The following CDKAL1 variants were observed in gnomAD, a reference collection of about 807,000 sequenced individuals.
The protein encoded by CDKAL1 is CDKAL1 threonylcarbamoyladenosine tRNA methylthiotransferase.
Under a neutral mutation model 68.2 loss-of-function variants are expected in CDKAL1, and 32 were observed. The observed-to-expected ratio is 0.47, with a 90% CI of 0.35 to 0.63. The LOEUF (loss-of-function observed/expected upper bound fraction) is 0.63. CDKAL1 is among the 30% of genes least tolerant of loss of function. CDKAL1 has a pLI of 0.00. For missense variants in CDKAL1, 606 were observed against 696.7 expected, an observed-to-expected ratio of 0.87 and a Z score of 1.47; for synonymous variants, 234 against 244.3, an observed-to-expected ratio of 0.96 and a Z score of 0.39.
intron 9 of CDKAL1, among the ~76,000 whole-genome samples, chr6:20,944,498 C>T (rs1261047660): frequency 6.6e-6 from 1 of 152,174 alleles, no homozygotes; most frequent in East Asian, 1.9e-4. Flanking sequence ...AGGGGTGCAC[C>T]ACCATGCTGT....
At chr6:20,751,785 C>A (rs4712539) in intron 6 of CDKAL1, among the ~76,000 whole-genome samples, 61,177 of 152,006 alleles carry the variant, frequency 0.4, 12,547 homozygotes, top group Non-Finnish European at 0.43. Flanking sequence ...AACATACTGC[C>A]TGTCTTTTTT....
At chr6:20,904,653 G>T (rs1762152824) in intron 9 of CDKAL1, among the ~76,000 whole-genome samples, 1 of 152,146 alleles carries the variant, frequency 6.6e-6, no homozygotes, top group Non-Finnish European at 1.5e-5. Context: ...GACAGGTGTG[G>T]TGGCACATGC....
chr6:20,810,600 A>T (rs1054093517), intron 8 of CDKAL1, among the ~76,000 whole-genome samples: 8 of 148,292 alleles, frequency 5.4e-5, no homozygotes, highest in African/African-American at 1.0e-4. Context: ...CTCTCTTTTT[A>T]AAAAAAAGAT....
intron 13 of CDKAL1, among the ~76,000 whole-genome samples, chr6:21,150,413 C>T (rs1562073131): frequency 6.6e-6 from 1 of 152,148 alleles, no homozygotes; most frequent in Non-Finnish European, 1.5e-5. Flanking sequence ...TCCTTTAGTG[C>T]AGGGCCGTGT....
intron 4 of CDKAL1, among the ~76,000 whole-genome samples, chr6:20,609,817 A>C (rs1291565800): frequency 6.6e-6 from 1 of 152,006 alleles, no homozygotes; most frequent in Non-Finnish European, 1.5e-5. Context: ...GTACAAGTGC[A>C]GGTTTGTTAC....
chr6:20,689,688 G>A (rs1770785114), intron 5 of CDKAL1, among the ~76,000 whole-genome samples: 1 of 151,970 alleles, frequency 6.6e-6, no homozygotes, highest in South Asian at 2.1e-4. Flanking sequence ...ATTACTGGTT[G>A]TTACTTGTTA....
intron 10 of CDKAL1, among the ~76,000 whole-genome samples, chr6:20,991,503 T>C (rs1581979718): frequency 6.6e-6 from 1 of 151,266 alleles, no homozygotes; most frequent in East Asian, 2.0e-4. Flanking sequence ...AGGTCACGAG[T>C]TTGAGACCAG....
intron 5 of CDKAL1, among the ~76,000 whole-genome samples, chr6:20,721,692 C>T (rs1453531508): frequency 6.8e-6 from 1 of 147,454 alleles, no homozygotes; most frequent in African/African-American, 2.5e-5. Flanking sequence ...AGTGCGTAAG[C>T]ATTCCTTCTT....
intron 4 of CDKAL1, among the ~76,000 whole-genome samples, chr6:20,577,605 CTGAA>C (rs1217234586): frequency 6.6e-6 from 1 of 152,198 alleles, no homozygotes; most frequent in Non-Finnish European, 1.5e-5. Flanking sequence ...GTGTGAATGA[CTGAA>C]TGAATGAATA....
rs144693781 is a variant in CDKAL1, at chr6:20,681,742, G to T, written c.371+32365G>T. Among the ~76,000 whole-genome samples, 745 of 152,274 alleles carry T rather than the reference G, an allele frequency of 4.9e-3. 5 individuals are homozygous for T. Among genetic ancestry groups the T allele is most frequent in the African/African-American group, 0.017 (698 of 41,534 alleles). ...TTTTTAATTCACTCCAGAAGCGAGAGATGGGTGCATGGAAGGCCTGGTGGA... is the reference window on the plus strand; with the variant it reads ...TTTTTAATTCACTCCAGAAGCGAGATATGGGTGCATGGAAGGCCTGGTGGA... On this transcript the variant is annotated intron_variant, in intron 5 of 15. Transcript: ENST00000274695.
At chr6:21,112,966 A>C (rs1275913384) in intron 13 of CDKAL1, among the ~76,000 whole-genome samples, 1 of 152,184 alleles carries the variant, frequency 6.6e-6, no homozygotes, top group Admixed American at 6.5e-5. Flanking sequence ...GTTTCCCAAA[A>C]CACAGTCAAC....
chr6:20,903,741 G>C (rs1234145079), intron 9 of CDKAL1, among the ~76,000 whole-genome samples: 1 of 152,184 alleles, frequency 6.6e-6, no homozygotes, highest in Non-Finnish European at 1.5e-5. Context: ...GGCTTGCTTT[G>C]TTTTTTCATA....
intron 4 of CDKAL1, among the ~76,000 whole-genome samples, chr6:20,600,757 G>GATATATATGTATACATATATATATATAT (rs1554161043): frequency 2.6e-5 from 2 of 76,870 alleles, no homozygotes; most frequent in Admixed American, 1.4e-4. Context: ...TGGAGAGAGA[G>GATATATATGTATACATATATATATATAT]ATATATATGT....
chr6:20,955,348 A>C (rs1764727134), intron 9 of CDKAL1, 71 bp from the exon 10 acceptor site: 1 of 1,464,842 alleles, frequency 6.8e-7, no homozygotes, highest in Non-Finnish European at 9.5e-7. Flanking sequence ...TGCATTAAAA[A>C]CAGTGAGCAG....
chr6:20,543,792 A>G, intron 2 of CDKAL1, among the ~76,000 whole-genome samples: 1 of 136,066 alleles, frequency 7.3e-6, no homozygotes, highest in Non-Finnish European at 1.5e-5. Flanking sequence ...GCTGGAGTGC[A>G]GTGGTACAAT....
At chr6:20,865,019 C>G (rs1759826231) in intron 9 of CDKAL1, among the ~76,000 whole-genome samples, 2 of 152,094 alleles carry the variant, frequency 1.3e-5, no homozygotes. Context: ...ATAAAATTTT[C>G]TAAAGTGTGT....
At chr6:20,665,213 A>G (rs1769474889) in intron 5 of CDKAL1, among the ~76,000 whole-genome samples, 1 of 152,158 alleles carries the variant, frequency 6.6e-6, no homozygotes, top group African/African-American at 2.4e-5. Context: ...TTATATAAAA[A>G]GTGTTTTGCA....
chr6:20,837,038 C>T (rs113588183), intron 8 of CDKAL1, among the ~76,000 whole-genome samples: 2,130 of 152,250 alleles, frequency 0.014, 36 homozygotes, highest in African/African-American at 0.048. Context: ...TTGAATTTTA[C>T]TGAAATTATT....
chr6:21,099,933 C>G lies in CDKAL1; in HGVS notation c.1237-8468C>G, dbSNP rs190395642. Among the ~76,000 whole-genome samples, 5 of 152,318 alleles carry G rather than the reference C, an allele frequency of 3.3e-5. No homozygotes were observed. The East Asian group carries it at 9.6e-4, about 29-fold the overall frequency. On this transcript the variant is annotated intron_variant, in intron 12 of 15. Transcript: ENST00000274695. ...CTTGCCTTTGTTACCAAATAATGAC[C>G]TTTCCTTGCAAAGAAATGTTCTCTT...
Sources: allele counts gnomAD v4.1 joint callset (sites outside exome capture counted in the v4.1 genomes callset), GRCh38; gene constraint gnomAD v4.1.1; transcripts MANE v1.5; gene names NCBI Gene and HGNC (gene_info 2026-07-23, HGNC 2026-07-21).